Variants in CCDC149 observed in about 807,000 individuals in gnomAD.
CCDC149 encodes coiled-coil domain-containing protein 149.
Under a neutral mutation model 59.9 loss-of-function variants are expected in CCDC149, and 45 were observed. The observed-to-expected ratio is 0.75, with a 90% CI of 0.59 to 0.96. The LOEUF (loss-of-function observed/expected upper bound fraction) is 0.96, where lower values mean the gene tolerates loss of function less well. Ranked by LOEUF, CCDC149 falls within the 40% of genes least tolerant of loss-of-function variation. The probability of loss-of-function intolerance (pLI) is 0.00; values close to 1 mark genes in which losing one functional copy is unlikely to be tolerated. For synonymous variants in CCDC149, 245 were observed against 260.6 expected (o/e 0.94, Z 0.58); for missense variants, 584 against 664.7 (o/e 0.88, Z 1.33).
intron 1 of CCDC149, among the ~76,000 whole-genome samples, chr4:24,922,136 G>C (rs1178154420): frequency 2.0e-5 from 3 of 152,100 alleles, no homozygotes; most frequent in Non-Finnish European, 2.9e-5. Flanking sequence ...TTGCATAAGA[G>C]ACCCACCCAA....
At chr4:24,882,385 T>G (rs1719901767) in intron 1 of CCDC149, among the ~76,000 whole-genome samples, 1 of 152,218 alleles carries the variant, frequency 6.6e-6, no homozygotes, top group South Asian at 2.1e-4. Flanking sequence ...CTGTAAGCTA[T>G]AGTTGGCCTC....
At chr4:24,953,419 T>G (rs1723369978) in intron 1 of CCDC149, among the ~76,000 whole-genome samples, 1 of 152,134 alleles carries the variant, frequency 6.6e-6, no homozygotes, top group Non-Finnish European at 1.5e-5. Flanking sequence ...ACCCAAACAT[T>G]AAAGACTAAG....
chr4:24,933,393 G>T (rs1005394587), intron 1 of CCDC149, among the ~76,000 whole-genome samples: 11 of 152,138 alleles, frequency 7.2e-5, no homozygotes, highest in African/African-American at 1.7e-4. Context: ...CAAATGCCTG[G>T]TAAGTTTTTC....
At chr4:24,967,529 G>A (rs918872654) in intron 1 of CCDC149, among the ~76,000 whole-genome samples, 3 of 151,884 alleles carry the variant, frequency 2.0e-5, no homozygotes, top group African/African-American at 4.8e-5. Context: ...CTTGGCCAAC[G>A]CATTTTTCTC....
intron 11 of CCDC149, 123 bp downstream of exon 11, chr4:24,820,932 A>C (rs1169291628): frequency 2.1e-6 from 1 of 477,842 alleles, no homozygotes; most frequent in Admixed American, 4.4e-5. Context: ...ATTTCAATTG[A>C]CTATTCTAAT....
chr4:24,840,471 C>A (rs951561422), intron 4 of CCDC149, among the ~76,000 whole-genome samples: 2 of 152,194 alleles, frequency 1.3e-5, no homozygotes, highest in South Asian at 4.1e-4. Flanking sequence ...GTCAGACATG[C>A]AGAGAGTGGC....
intron 4 of CCDC149, among the ~76,000 whole-genome samples, chr4:24,849,499 C>T (rs1717522633): frequency 1.3e-5 from 2 of 152,182 alleles, no homozygotes; most frequent in South Asian, 4.1e-4. Context: ...CTCCCCCCAT[C>T]ACAGGACGCC....
chr4:24,848,998 A>C (rs1717491617), intron 4 of CCDC149, among the ~76,000 whole-genome samples: 1 of 152,202 alleles, frequency 6.6e-6, no homozygotes, highest in African/African-American at 2.4e-5. Context: ...CCCAGATAAG[A>C]AAGGACTGCT....
At chr4:24,840,669 T>C (rs1377662386) in intron 4 of CCDC149, among the ~76,000 whole-genome samples, 1 of 152,200 alleles carries the variant, frequency 6.6e-6, no homozygotes, top group Non-Finnish European at 1.5e-5. Flanking sequence ...CCACGCATAG[T>C]GCCAAAGTGC....
chr4:24,915,823 CTTTTCATTTA>C (rs2109333556), upstream of CCDC149, among the ~76,000 whole-genome samples: 1 of 152,274 alleles, frequency 6.6e-6, no homozygotes, highest in East Asian at 1.9e-4. Flanking sequence ...TTTTTTATCT[CTTTTCATTTA>C]TGTAGCCTGA....
intron 9 of CCDC149, chr4:24,823,110 G>A (rs117814642): frequency 6.6e-6 from 1 of 152,140 alleles, no homozygotes; most frequent in Non-Finnish European, 1.5e-5. Flanking sequence ...CACAATGCCT[G>A]ATACATGGGA....
intron 4 of CCDC149, among the ~76,000 whole-genome samples, chr4:24,848,494 G>A (rs1427567601): frequency 5.3e-5 from 8 of 152,024 alleles, no homozygotes; most frequent in South Asian, 2.1e-4. Context: ...GCTTGAACCC[G>A]GGAGGCGGAG....
At chr4:24,952,463 G>A (rs375986991) in intron 1 of CCDC149, among the ~76,000 whole-genome samples, 1 of 150,736 alleles carries the variant, frequency 6.6e-6, no homozygotes, top group Non-Finnish European at 1.5e-5. Context: ...ATGGTTGCAG[G>A]TGCCTGTAAT....
Position 24,957,808 on chromosome 4 carries a change from A to G in CCDC149, c.-65+22261T>C, listed in dbSNP as rs549489458. Among the ~76,000 whole-genome samples the G allele has an allele frequency of 3.9e-5, 6 of 152,364 alleles. No individual in the cohort carries two copies. The East Asian group carries it at 1.2e-3, about 29-fold the overall frequency. ...TATTTACTATCTGGTCCTTTACAGA[A>G]AAAGTTTGCTGACTCCTGACTTACA... On this transcript the variant is annotated intron_variant, in intron 1 of 12. Coordinates refer to the CCDC149 transcript ENST00000389609.
intron 1 of CCDC149, among the ~76,000 whole-genome samples, chr4:24,938,601 C>T (rs953201549): frequency 1.3e-5 from 2 of 152,208 alleles, no homozygotes; most frequent in African/African-American, 4.8e-5. Context: ...CGAGGAATCA[C>T]TTCACCCAGG....
chr4:24,949,010 C>T (rs777105849), intron 1 of CCDC149, among the ~76,000 whole-genome samples: 2 of 152,184 alleles, frequency 1.3e-5, no homozygotes, highest in Non-Finnish European at 2.9e-5. Flanking sequence ...GTCAACTAAA[C>T]CTCTTTCTTT....
chr4:24,942,390 C>A (rs191264082), intron 1 of CCDC149, among the ~76,000 whole-genome samples: 161 of 152,208 alleles, frequency 1.1e-3, no homozygotes, highest in African/African-American at 3.7e-3. Context: ...ATTGATGAGA[C>A]GTATCTCAAA....
At chr4:24,845,004 T>C (rs1211777304) in intron 4 of CCDC149, among the ~76,000 whole-genome samples, 1 of 152,156 alleles carries the variant, frequency 6.6e-6, no homozygotes, top group Non-Finnish European at 1.5e-5. Context: ...AACTTGCCTA[T>C]GTCACAAATC....
Position 24,808,345 on chromosome 4 carries a change from C to G in CCDC149, c.*44G>C. Reference sequence around the variant, plus strand: ...ATTCCGATGCTTCATTCTTGACCCTCTCTGGGGCTTTCAATGTGTCATTGT... The same window carrying G: ...ATTCCGATGCTTCATTCTTGACCCTGTCTGGGGCTTTCAATGTGTCATTGT... On this transcript the variant is annotated 3_prime_UTR_variant, in exon 13 of 13. Transcript: ENST00000635206. The G allele has an allele frequency of 7.0e-7, 1 of 1,431,104 alleles. No individual in the cohort carries two copies. Among genetic ancestry groups the G allele is most frequent in the Non-Finnish European group, 9.2e-7 (1 of 1,087,932 alleles). The allele number at this position is 1,431,104 out of a possible 1,614,324, so 88.7% of individuals were successfully genotyped here. A position where few individuals can be genotyped will look rare whatever the true frequency, so the allele number is the denominator to read the frequency against.
Sources: gnomAD v4.1 joint callset for allele counts (sites outside exome capture counted in the v4.1 genomes callset) on GRCh38, gnomAD v4.1.1 for gene constraint, MANE v1.5 for transcripts, NCBI Gene and HGNC (gene_info 2026-07-23, HGNC 2026-07-21) for gene names.